Variants in MACROD2 observed in about 807,000 individuals in gnomAD.
The protein encoded by MACROD2 is mono-ADP ribosylhydrolase 2.
A neutral mutation model predicts 70.4 loss-of-function variants in MACROD2; 36 were observed. That is an observed-to-expected ratio of 0.51 (90% CI 0.39 to 0.68). The LOEUF (loss-of-function observed/expected upper bound fraction) is 0.68, where lower values mean the gene tolerates loss of function less well. MACROD2 is among the 30% of genes least tolerant of loss of function. The pLI is 0.00. For missense variants in MACROD2, 496 were observed against 538.4 expected, an observed-to-expected ratio of 0.92 and a Z score of 0.78; for synonymous variants, 172 against 178.8, an observed-to-expected ratio of 0.96 and a Z score of 0.30.
intron 8 of MACROD2, among the ~76,000 whole-genome samples, chr20:15,683,578 T>TTTTG (rs1568973024): frequency 1.3e-5 from 2 of 152,100 alleles, no homozygotes; most frequent in Admixed American, 6.6e-5. Context: ...CAGGTTGTTT[T>TTTTG]TTTGTTTGTT....
chr20:14,877,619 A>G (rs1295011653), intron 5 of MACROD2, among the ~76,000 whole-genome samples: 1 of 151,834 alleles, frequency 6.6e-6, no homozygotes, highest in Non-Finnish European at 1.5e-5. Flanking sequence ...ATTTTGGGGT[A>G]TGTTCCTTCA....
chr20:14,111,478 C>T (rs1342777005), intron 3 of MACROD2, among the ~76,000 whole-genome samples: 2 of 151,938 alleles, frequency 1.3e-5, no homozygotes, highest in East Asian at 3.9e-4. Flanking sequence ...GAATTAATAA[C>T]CAGAATATGT....
At chr20:14,504,433 C>T (rs964918894) in intron 4 of MACROD2, among the ~76,000 whole-genome samples, 2 of 152,304 alleles carry the variant, frequency 1.3e-5, no homozygotes, top group East Asian at 1.9e-4. Flanking sequence ...AACTCCAAAT[C>T]CCCCTTTTAA....
At chr20:15,444,548 G>A (rs1402315677) in intron 7 of MACROD2, among the ~76,000 whole-genome samples, 3 of 152,054 alleles carry the variant, frequency 2.0e-5, no homozygotes, top group African/African-American at 7.2e-5. Flanking sequence ...TAGGTTTCTT[G>A]AAACATGGTC....
chr20:14,897,229 TCA>T (rs756687295), intron 5 of MACROD2, among the ~76,000 whole-genome samples: 14 of 152,264 alleles, frequency 9.2e-5, no homozygotes, highest in Non-Finnish European at 1.6e-4. Context: ...CAGGTTTCAG[TCA>T]CAGACTCAGG....
intron 12 of MACROD2, among the ~76,000 whole-genome samples, chr20:15,955,451 G>C (rs2065963338): frequency 6.6e-6 from 1 of 152,134 alleles, no homozygotes; most frequent in Non-Finnish European, 1.5e-5. Flanking sequence ...ACATTCTCTA[G>C]TTAGGTCTTC....
intron 3 of MACROD2, among the ~76,000 whole-genome samples, chr20:14,198,069 TC>T (rs200824772): frequency 0.013 from 2,052 of 152,092 alleles, 19 homozygotes; most frequent in South Asian, 0.036. Flanking sequence ...GGGCCATAAG[TC>T]CAACATTCTG....
At chr20:14,283,360 G>A (rs6074714) in intron 3 of MACROD2, among the ~76,000 whole-genome samples, 58,830 of 151,750 alleles carry the variant, frequency 0.39, 12,823 homozygotes, top group Non-Finnish European at 0.49. Flanking sequence ...TTAAATTATC[G>A]TTGATAATTA....
At chr20:14,181,569 A>G (rs903305360) in intron 3 of MACROD2, among the ~76,000 whole-genome samples, 2 of 151,820 alleles carry the variant, frequency 1.3e-5, no homozygotes, top group Non-Finnish European at 2.9e-5. Flanking sequence ...AGCCATCACC[A>G]CTATCTAATT....
intron 5 of MACROD2, among the ~76,000 whole-genome samples, chr20:15,064,230 T>C (rs1476239555): frequency 1.3e-5 from 2 of 152,130 alleles, no homozygotes; most frequent in African/African-American, 4.8e-5. Flanking sequence ...GAAAATGACC[T>C]TCTCCAGCTC....
chr20:14,990,642 T>C lies in MACROD2; in HGVS notation c.419-239298T>C, dbSNP rs2093869. ...AATTCTCCTGCCTCAGCCTCCCAAG[T>C]AGCAGGGACTACAGGCACTCACCAC... On this transcript the variant is annotated intron_variant, in intron 5 of 17. Transcript: ENST00000684519. Among the ~76,000 whole-genome samples, 954 of 151,876 alleles carry C rather than the reference T, an allele frequency of 6.3e-3. 14 individuals carry two copies. Among genetic ancestry groups the C allele is most frequent in the African/African-American group, 0.022 (901 of 41,408 alleles).
chr20:14,910,782 T>C (rs887013648), intron 5 of MACROD2, among the ~76,000 whole-genome samples: 6 of 152,186 alleles, frequency 3.9e-5, no homozygotes, highest in African/African-American at 1.4e-4. Flanking sequence ...TTATCCTTTT[T>C]TATCCTAAGC....
intron 8 of MACROD2, among the ~76,000 whole-genome samples, chr20:15,803,558 T>C (rs1430609838): frequency 1.3e-5 from 2 of 151,980 alleles, no homozygotes; most frequent in African/African-American, 2.4e-5. Flanking sequence ...TTAAAAATAA[T>C]GGTGGTCACT....
At chr20:14,813,433 A>G (rs1045723326) in intron 5 of MACROD2, among the ~76,000 whole-genome samples, 1 of 147,152 alleles carries the variant, frequency 6.8e-6, no homozygotes, top group Admixed American at 7.0e-5. Flanking sequence ...CTCCCCACTT[A>G]TAAGTGAGAA....
chr20:14,494,788 A>C (rs2084835417), intron 4 of MACROD2, among the ~76,000 whole-genome samples: 1 of 152,070 alleles, frequency 6.6e-6, no homozygotes, highest in Non-Finnish European at 1.5e-5. Flanking sequence ...GTTTCATTGC[A>C]CTTGTTATTT....
intron 5 of MACROD2, among the ~76,000 whole-genome samples, chr20:15,189,471 T>C (rs2076555968): frequency 6.6e-6 from 1 of 152,118 alleles, no homozygotes; most frequent in Non-Finnish European, 1.5e-5. Flanking sequence ...CTTGTAGCTG[T>C]GTTTGTTTCC....
chr20:15,053,888 A>G (rs1242751995), intron 5 of MACROD2, among the ~76,000 whole-genome samples: 1 of 152,238 alleles, frequency 6.6e-6, no homozygotes, highest in African/African-American at 2.4e-5. Context: ...AGGACAAAAT[A>G]TCAACATGAA....
intron 5 of MACROD2, among the ~76,000 whole-genome samples, chr20:14,962,331 C>T (rs960948984): frequency 2.6e-5 from 4 of 151,948 alleles, no homozygotes; most frequent in Middle Eastern, 3.2e-3. Flanking sequence ...GAGAATCTCA[C>T]GCTGTCACCC....
At chr20:14,317,239 G>A (rs2082619874) in intron 3 of MACROD2, among the ~76,000 whole-genome samples, 1 of 152,072 alleles carries the variant, frequency 6.6e-6, no homozygotes, top group South Asian at 2.1e-4. Context: ...AGGTTCTCTT[G>A]TTATGCTCAC....
Sources: gnomAD v4.1 joint callset for allele counts (sites outside exome capture counted in the v4.1 genomes callset) on GRCh38, gnomAD v4.1.1 for gene constraint, MANE v1.5 for transcripts, NCBI Gene and HGNC (gene_info 2026-07-23, HGNC 2026-07-21) for gene names.